The following PPP1R12A variants were observed in gnomAD, a reference collection of about 807,000 sequenced individuals.
PPP1R12A encodes myosin binding subunit.
A neutral mutation model predicts 139.6 loss-of-function variants in PPP1R12A; 19 were observed. The ratio of observed to expected loss-of-function variants is 0.14; its 90% CI spans 0.09 to 0.20. PPP1R12A has a LOEUF of 0.20. Ranked by LOEUF, PPP1R12A falls within the 10% of genes least tolerant of loss-of-function variation. The pLI, the probability that PPP1R12A is intolerant of heterozygous loss-of-function variation, is 1.00. For synonymous variants in PPP1R12A, 427 were observed against 420.6 expected, an observed-to-expected ratio of 1.02 and a Z score of -0.19; for missense variants, 925 against 1,211.5, an observed-to-expected ratio of 0.76 and a Z score of 3.51.
At chr12:79,870,175 T>G (rs1882420754) in intron 2 of PPP1R12A, among the ~76,000 whole-genome samples, 1 of 152,180 alleles carries the variant, frequency 6.6e-6, no homozygotes, top group African/African-American at 2.4e-5. Flanking sequence ...CTCAGCTCAC[T>G]GCAACCTCTG....
At chr12:79,887,124 C>T (rs1287785343) in intron 1 of PPP1R12A, among the ~76,000 whole-genome samples, 1 of 152,128 alleles carries the variant, frequency 6.6e-6, no homozygotes, top group Non-Finnish European at 1.5e-5. Flanking sequence ...GGCATATTTT[C>T]CTGTTTCCTT....
At chr12:79,838,308 A>G (rs1054665558) in intron 3 of PPP1R12A, among the ~76,000 whole-genome samples, 6 of 152,238 alleles carry the variant, frequency 3.9e-5, no homozygotes, top group African/African-American at 1.4e-4. Flanking sequence ...GAAATTTCTA[A>G]GCAGCAAAGT....
chr12:79,815,650 C>T (rs1215142438), intron 9 of PPP1R12A, among the ~76,000 whole-genome samples: 1 of 151,870 alleles, frequency 6.6e-6, no homozygotes, highest in African/African-American at 2.4e-5. Context: ...TGAAGAAGTA[C>T]ATGGGGGTCT....
Position 79,797,297 on chromosome 12 carries a change from C to CTCTTTT in PPP1R12A, c.2184_2189dup (p.Lys729_Glu730dup), listed in dbSNP as rs760754623. The CTCTTTT allele has an allele frequency of 3.1e-6, 5 of 1,590,718 alleles. No homozygotes were observed. The East Asian group carries it at 1.1e-4, about 36-fold the overall frequency. On this transcript the variant is annotated inframe_insertion, in exon 16 of 25. Transcript: ENST00000450142. ...TCTCTTTATCTTGTTTCTCTTTTTC[C>CTCTTTT]TCTTTTTCTTTTTCTTCATTTTCTT...
At chr12:79,904,444 A>AT (rs1310421716) in intron 1 of PPP1R12A, among the ~76,000 whole-genome samples, 5 of 152,076 alleles carry the variant, frequency 3.3e-5, no homozygotes, top group African/African-American at 1.2e-4. Flanking sequence ...GTGGTTACTC[A>AT]AATATTACCT....
chr12:79,820,250 C>T (rs867842498), intron 8 of PPP1R12A, among the ~76,000 whole-genome samples: 1 of 152,128 alleles, frequency 6.6e-6, no homozygotes, highest in South Asian at 2.1e-4. Context: ...GATTAAATGT[C>T]ACAGTAGTTA....
intron 1 of PPP1R12A, among the ~76,000 whole-genome samples, chr12:79,925,821 G>A (rs975667325): frequency 6.6e-6 from 1 of 152,050 alleles, no homozygotes; most frequent in African/African-American, 2.4e-5. Context: ...CATAGAGGGA[G>A]CCATAGTAAA....
rs1165505901 is a variant in PPP1R12A at position 79,935,084 on chromosome 12, T to G, written c.-153A>C. The G allele has an allele frequency of 7.1e-7, 1 of 1,403,072 alleles. No homozygotes were observed. Among genetic ancestry groups the G allele is most frequent in the Admixed American group, 3.1e-5 (1 of 31,794 alleles). 86.9% of individuals were successfully genotyped at this position (1,403,072 alleles called of 1,614,324 possible). A position where few individuals can be genotyped will look rare whatever the true frequency, so the allele number is the denominator to read the frequency against. On this transcript the variant is annotated 5_prime_UTR_variant, in exon 1 of 25. Coordinates refer to ENST00000450142, the MANE Select transcript of PPP1R12A (RefSeq NM_002480.3). ...GAGCCGACGCTCGAGACTTCCAGTA[T>G]CCCACAGAGCACTGGGGCGGCGCAC... is the stretch of plus-strand genomic sequence containing the variant.
rs766758074 is a variant in PPP1R12A at position 79,832,447 on chromosome 12, G to A, written c.532C>T (p.Leu178Phe). The A allele has an allele frequency of 4.3e-6, 7 of 1,612,710 alleles. No individual in the cohort carries two copies. Among genetic ancestry groups the A allele is most frequent in the Non-Finnish European group, 5.9e-6 (7 of 1,179,454 alleles). The change falls in exon 4 of 25, where the codon CTT (leucine) becomes TTT (phenylalanine). Residue 178 changes from leucine to phenylalanine, a missense_variant. Leu to Phe is a conservative substitution (Grantham distance 22). Transcript: ENST00000450142. ...TTTAGCCACTGCCTGGCATCTCTAA[G>A]CATGATCCGTTCTTCTTCCTTTCGA... is the stretch of plus-strand genomic sequence containing the variant. ...AARKEEERIM[L>F]RDARQWLNSG...
chr12:79,853,716 C>G (rs1282923296), intron 2 of PPP1R12A, among the ~76,000 whole-genome samples: 1 of 152,220 alleles, frequency 6.6e-6, no homozygotes, highest in Non-Finnish European at 1.5e-5. Flanking sequence ...TGTATTAACT[C>G]TTGAAAACCA....
At chr12:79,831,110 A>G (rs1354672139) in intron 4 of PPP1R12A, among the ~76,000 whole-genome samples, 2 of 152,102 alleles carry the variant, frequency 1.3e-5, no homozygotes, top group Non-Finnish European at 2.9e-5. Context: ...TTAAGAAACA[A>G]TTCTTACCTT....
Position 79,789,558 on chromosome 12 carries a change from G to A in PPP1R12A, c.2667-775C>T, listed in dbSNP as rs373444114. On this transcript the variant is annotated intron_variant, in intron 20 of 24. Transcript: ENST00000450142. ...AGGAAAAACATATCTTACTGGTAAA[G>A]GAGAATTCTCTTATTATCTGGTTCT... The A allele has an allele frequency of 9.8e-5, 42 of 429,490 alleles. No homozygotes were observed. The East Asian group carries it at 1.8e-3, about 18-fold the overall frequency. The allele number at this position is 429,490 out of a possible 1,614,324, so 26.6% of individuals were successfully genotyped here. A position where few individuals can be genotyped will look rare whatever the true frequency, so the allele number is the denominator to read the frequency against.
At chr12:79,809,698 G>C in intron 10 of PPP1R12A, 97 bp downstream of exon 10, 1 of 878,190 alleles carries the variant, frequency 1.1e-6, no homozygotes. Context: ...TTGATACCTA[G>C]ATCTAAAGAT....
chr12:79,832,416 C>G lies in PPP1R12A; in HGVS notation c.563G>C (p.Gly188Ala), dbSNP rs1401781892. 6.2e-7 allele frequency: 1 copy of G among 1,613,472 alleles called. No individual in the cohort carries two copies. The highest frequency in any genetic ancestry group is 8.5e-7 in the Non-Finnish European group (1 of 1,179,692). Reference sequence around the variant, plus strand: ...TGCATGCCGGACATCATTTATATGACCACTATTTAGCCACTGCCTGGCATC... The same window carrying G: ...TGCATGCCGGACATCATTTATATGAGCACTATTTAGCCACTGCCTGGCATC... ...LRDARQWLNS[G>A]HINDVRHAKS... Residue 188 changes from glycine (G) to alanine (A), a missense_variant, in exon 4 of 25, where the codon GGT becomes GCT. By Grantham distance (60) the Gly-to-Ala change is moderately conservative. Transcript: ENST00000450142.
rs1250252929 is a variant in PPP1R12A, at chr12:79,809,973, T to G, written c.1277A>C (p.Glu426Ala). ...TGCAGGAGACTCATCTTTTCTCTCTTCTTCTTTGGGAGAAATTTTTGTAGC... is the reference window on the plus strand; with the variant it reads ...TGCAGGAGACTCATCTTTTCTCTCTGCTTCTTTGGGAGAAATTTTTGTAGC... ...TTATKISPKEEERKDESPATW... is the reference protein window; with the variant it reads ...TTATKISPKEAERKDESPATW... The change falls in exon 10 of 25, where the codon GAA becomes GCA. Residue 426 changes from glutamate (E) to alanine (A), a missense_variant. Glu to Ala is a moderately radical substitution (Grantham distance 107). Around this residue, in one of 4 missense-constraint regions of PPP1R12A, gnomAD observed 403 missense variants for 463.7 expected, o/e 0.87. Transcript: ENST00000450142. The G allele has an allele frequency of 6.2e-7, 1 of 1,613,164 alleles. No homozygotes were observed. The highest frequency in any genetic ancestry group is 8.5e-7 in the Non-Finnish European group (1 of 1,179,598).
intron 2 of PPP1R12A, among the ~76,000 whole-genome samples, chr12:79,852,217 G>T (rs1880131231): frequency 2.7e-5 from 4 of 148,206 alleles, no homozygotes; most frequent in African/African-American, 5.0e-5. Flanking sequence ...TTGAGACAGG[G>T]TCTCACTCTG....
chr12:79,823,271 A>G (rs1385381811), intron 5 of PPP1R12A, among the ~76,000 whole-genome samples: 1 of 152,104 alleles, frequency 6.6e-6, no homozygotes, highest in East Asian at 1.9e-4. Context: ...TATCCAGTAT[A>G]TGATCCTTTC....
At chr12:79,898,491 A>T (rs746971472) in intron 1 of PPP1R12A, among the ~76,000 whole-genome samples, 2 of 152,032 alleles carry the variant, frequency 1.3e-5, no homozygotes, top group Non-Finnish European at 2.9e-5. Context: ...ATACCCTTAC[A>T]CTATGAAGAA....
rs371366240 is a variant in PPP1R12A, at chr12:79,796,895, G to A, written c.2348C>T (p.Ser783Leu). ...STSSSTTPSS[S>L]LSTMSSSLYA... is the part of the protein sequence containing the mutation. ...CAGTGAACTGCTCATAGTAGAAAGT[G>A]AAGAGGATGGAGTGGTTGAACTTGA... Residue 783 changes from serine to leucine, a missense_variant, in exon 17 of 25, where the codon TCA becomes TTA. Ser to Leu is a moderately radical substitution (Grantham distance 145). Transcript: ENST00000450142. 2.6e-5 allele frequency: 42 copies of A among 1,612,548 alleles called. No individual in the cohort carries two copies. The Middle Eastern group carries it at 2.0e-3, about 76-fold the overall frequency.
Sources: allele counts gnomAD v4.1 joint callset (sites outside exome capture counted in the v4.1 genomes callset), GRCh38; gene constraint gnomAD v4.1.1; regional missense constraint gnomAD v4.1.1; transcripts MANE v1.5; gene names NCBI Gene and HGNC (gene_info 2026-07-23, HGNC 2026-07-21).